RPH3A: variants seen among roughly 807,000 people sequenced by gnomAD.
RPH3A encodes the protein rabphilin 3A, also known as rabphilin-3A.
In RPH3A, 48 loss-of-function variants were observed where a neutral mutation model predicts 102.2. That is an observed-to-expected ratio of 0.47 (90% CI 0.37 to 0.60). The LOEUF (loss-of-function observed/expected upper bound fraction) is 0.60, where lower values mean the gene tolerates loss of function less well. Ranked by LOEUF, RPH3A falls within the 20% of genes least tolerant of loss-of-function variation. RPH3A has a pLI of 0.00. For synonymous variants in RPH3A, 310 were observed against 324.3 expected (o/e 0.96, Z 0.47); for missense variants, 781 against 910.1 (o/e 0.86, Z 1.83).
chr12:112,831,776 T>C, intron 3 of RPH3A: 1 of 455,990 alleles, frequency 2.2e-6, no homozygotes, highest in Admixed American at 2.3e-5. Context: ...TTTGAAGGAT[T>C]GGTTGTGCTT....
intron 1 of RPH3A, among the ~76,000 whole-genome samples, chr12:112,769,236 C>A (rs755045708): frequency 6.6e-6 from 1 of 152,310 alleles, no homozygotes; most frequent in Middle Eastern, 3.4e-3. Context: ...TTTAACTTGA[C>A]GCCTCTTTGA....
chr12:112,782,889 C>T (rs2041018842), intron 1 of RPH3A, among the ~76,000 whole-genome samples: 1 of 152,188 alleles, frequency 6.6e-6, no homozygotes, highest in African/African-American at 2.4e-5. Context: ...GCACGTACAT[C>T]TAATTATTTC....
Position 112,587,782 on chromosome 12 carries a change from A to G in RPH3A, c.-140+12463A>G, listed in dbSNP as rs183391271. On this transcript the variant is annotated intron_variant, in intron 1 of 21. Transcript: ENST00000543106. Reference sequence around the variant, plus strand: ...TAGGAACTAGAGCTGTGTTTAGTGCACGGAAAATTTACGGCACATCTGTTG... The same window carrying G: ...TAGGAACTAGAGCTGTGTTTAGTGCGCGGAAAATTTACGGCACATCTGTTG... Among the ~76,000 whole-genome samples the G allele has an allele frequency of 3.3e-5, 5 of 152,278 alleles. No individual in the cohort carries two copies. The East Asian group carries it at 9.6e-4, about 29-fold the overall frequency.
intron 1 of RPH3A, among the ~76,000 whole-genome samples, chr12:112,634,210 T>C (rs1489511655): frequency 2.6e-5 from 3 of 114,396 alleles, no homozygotes; most frequent in Admixed American, 1.8e-4. Context: ...TAGCCGGGCG[T>C]AGTGGCGGGC....
intron 1 of RPH3A, among the ~76,000 whole-genome samples, chr12:112,744,332 T>C (rs1295326776): frequency 6.6e-6 from 1 of 152,138 alleles, no homozygotes; most frequent in Non-Finnish European, 1.5e-5. Flanking sequence ...TGCCTTGGCC[T>C]CCCAAAGTGC....
intron 1 of RPH3A, among the ~76,000 whole-genome samples, chr12:112,649,107 C>T (rs1224357342): frequency 1.3e-5 from 2 of 152,238 alleles, no homozygotes; most frequent in African/African-American, 2.4e-5. Flanking sequence ...GCCAGCACGC[C>T]AGGCCCCTTT....
intron 1 of RPH3A, among the ~76,000 whole-genome samples, chr12:112,611,798 C>G (rs892686248): frequency 6.6e-6 from 1 of 151,206 alleles, no homozygotes; most frequent in East Asian, 1.9e-4. Flanking sequence ...TAGAAATACT[C>G]TTATGTAACT....
rs2136002122 is a variant in RPH3A, at chr12:112,659,436, G to C, written c.-140+84117G>C. ...AGATTTGATTTATCTGATGTTTTCTGATGATTAAATTCAGGTTGTGCATCT... is the reference window on the plus strand; with the variant it reads ...AGATTTGATTTATCTGATGTTTTCTCATGATTAAATTCAGGTTGTGCATCT... On this transcript the variant is annotated intron_variant, in intron 1 of 21. Coordinates refer to the RPH3A transcript ENST00000543106. Among the ~76,000 whole-genome samples, 3 of 152,254 alleles carry C rather than the reference G, an allele frequency of 2.0e-5. No homozygotes were observed. In the South Asian group the frequency reaches 6.2e-4, roughly 32 times the overall value.
chr12:112,803,339 G>C (rs1346113864), intron 2 of RPH3A, among the ~76,000 whole-genome samples: 1 of 151,892 alleles, frequency 6.6e-6, no homozygotes, highest in African/African-American at 2.4e-5. Flanking sequence ...GAGAGGGAGA[G>C]GATGAATTAT....
chr12:112,644,932 G>A (rs1165951884), intron 1 of RPH3A, among the ~76,000 whole-genome samples: 1 of 152,212 alleles, frequency 6.6e-6, no homozygotes, highest in Non-Finnish European at 1.5e-5. Flanking sequence ...GCCCTGGGGA[G>A]AGACCAAGCT....
chr12:112,735,762 G>T (rs192446731), intron 1 of RPH3A, among the ~76,000 whole-genome samples: 4 of 152,240 alleles, frequency 2.6e-5, no homozygotes, highest in Admixed American at 1.3e-4. Flanking sequence ...CTCCCCCCAA[G>T]CCTTTCTTCA....
intron 1 of RPH3A, among the ~76,000 whole-genome samples, chr12:112,634,205 G>C (rs61942285): frequency 9.9e-6 from 1 of 101,358 alleles, no homozygotes; most frequent in African/African-American, 4.0e-5. Flanking sequence ...AAAATTAGCC[G>C]GGCGTAGTGG....
At chr12:112,705,767 C>G (rs1215394410) in intron 1 of RPH3A, among the ~76,000 whole-genome samples, 1 of 152,030 alleles carries the variant, frequency 6.6e-6, no homozygotes, top group Non-Finnish European at 1.5e-5. Flanking sequence ...TCTTACATCT[C>G]AGGCTTATAT....
chr12:112,769,113 T>C (rs751752960), intron 1 of RPH3A, among the ~76,000 whole-genome samples: 8 of 152,230 alleles, frequency 5.3e-5, no homozygotes, highest in Non-Finnish European at 1.2e-4. Flanking sequence ...GCACAGTCAG[T>C]ATTCAATATT....
intron 1 of RPH3A, among the ~76,000 whole-genome samples, chr12:112,677,701 A>G (rs552527786): frequency 6.6e-6 from 1 of 151,902 alleles, no homozygotes; most frequent in Admixed American, 6.6e-5. Flanking sequence ...TCCCCACCTC[A>G]CAGAATCCTG....
intron 1 of RPH3A, among the ~76,000 whole-genome samples, chr12:112,683,588 G>T (rs2040241519): frequency 6.6e-6 from 1 of 152,188 alleles, no homozygotes; most frequent in Non-Finnish European, 1.5e-5. Context: ...TCAATAGAGG[G>T]TTACTGCTGT....
At chr12:112,712,601 T>C (rs575626459) in intron 1 of RPH3A, among the ~76,000 whole-genome samples, 1 of 152,254 alleles carries the variant, frequency 6.6e-6, no homozygotes, top group East Asian at 1.9e-4. Context: ...ATGTCCCTCA[T>C]GCCCCGACCA....
intron 1 of RPH3A, among the ~76,000 whole-genome samples, chr12:112,670,145 C>T (rs1465996539): frequency 6.6e-6 from 1 of 152,200 alleles, no homozygotes; most frequent in African/African-American, 2.4e-5. Flanking sequence ...TCCATTTACT[C>T]ATCCACTTAT....
At chr12:112,735,590 G>A (rs551783899) in intron 1 of RPH3A, among the ~76,000 whole-genome samples, 2 of 152,318 alleles carry the variant, frequency 1.3e-5, no homozygotes, top group South Asian at 2.1e-4. Context: ...GAGGCTAATT[G>A]TTTTTTGAAT....
Sources: allele counts gnomAD v4.1 joint callset (sites outside exome capture counted in the v4.1 genomes callset), GRCh38; gene constraint gnomAD v4.1.1; transcripts MANE v1.5; gene names NCBI Gene and HGNC (gene_info 2026-07-23, HGNC 2026-07-21).